Variants in CLRN1 observed in about 807,000 individuals in gnomAD.
CLRN1 encodes clarin-1.
CLRN1 carries 15 observed loss-of-function variants against 18.7 expected under a neutral mutation model. The ratio of observed to expected loss-of-function variants is 0.80; its 90% CI spans 0.54 to 1.23. The LOEUF (loss-of-function observed/expected upper bound fraction) is 1.23. CLRN1 is among the 50% of genes most tolerant of loss of function. CLRN1 has a pLI of 0.00. For missense variants in CLRN1, 311 were observed against 277.5 expected, an observed-to-expected ratio of 1.12 and a Z score of -0.86; for synonymous variants, 104 against 102.9, an observed-to-expected ratio of 1.01 and a Z score of -0.07.
intron 1 of CLRN1, among the ~76,000 whole-genome samples, chr3:150,960,080 G>A (rs1714952169): frequency 6.6e-6 from 1 of 152,134 alleles, no homozygotes; most frequent in Admixed American, 6.5e-5. Flanking sequence ...TTTGGAGTTA[G>A]GAAAGTTTAA....
chr3:150,932,206 T>A (rs1238536910), intron 2 of CLRN1, among the ~76,000 whole-genome samples: 2 of 152,324 alleles, frequency 1.3e-5, no homozygotes, highest in African/African-American at 4.8e-5. Flanking sequence ...CTCTGACAGC[T>A]GTCTGAGACT....
rs34027634 is a variant in CLRN1, at chr3:150,927,631, TACACACACACAC to T, written c.*293_*304del. 1.7e-5 allele frequency: 8 copies of T among 473,322 alleles called. No individual in the cohort carries two copies. The highest frequency in any genetic ancestry group is 1.0e-4 in the African/African-American group (5 of 50,032). 29.3% of individuals were successfully genotyped at this position (473,322 alleles called of 1,614,324 possible). A position where few individuals can be genotyped will look rare whatever the true frequency, so the allele number is the denominator to read the frequency against. On this transcript the variant is annotated 3_prime_UTR_variant, in exon 3 of 3. Coordinates refer to ENST00000327047, the MANE Select transcript of CLRN1 (RefSeq NM_174878.3). ...ATATCTTTTTGATAGGAAGACATCTTACACACACACACACACACACACACACACATATATATA... is the reference window on the plus strand; with the variant it reads ...ATATCTTTTTGATAGGAAGACATCTTACACACACACACACACATATATATA...
In CLRN1 at chr3:150,928,168, G is replaced by T. The variant is rs1159603542; in HGVS notation, c.467C>A (p.Ala156Asp). ...GAGGTGATGGATTTTCACTTCAGAGGCAAACAATATCATGACAAGACAGCC... is the reference window on the plus strand; with the variant it reads ...GAGGTGATGGATTTTCACTTCAGAGTCAAACAATATCATGACAAGACAGCC... ...SCGCLVMILF[A>D]SEVKIHHLSE... is the part of the protein sequence containing the mutation. Residue 156 changes from alanine to aspartate, a missense_variant, in exon 3 of 3, where the codon GCC becomes GAC. Coordinates refer to ENST00000327047, the MANE Select transcript of CLRN1 (RefSeq NM_174878.3). 1 of 1,614,016 alleles carries T rather than the reference G, an allele frequency of 6.2e-7. No individual in the cohort carries two copies. Among genetic ancestry groups the T allele is most frequent in the Non-Finnish European group, 8.5e-7 (1 of 1,179,996 alleles).
chr3:150,941,665 G>A lies in CLRN1; in HGVS notation c.350C>T (p.Ala117Val), dbSNP rs988324324. 1.2e-6 allele frequency: 2 copies of A among 1,613,946 alleles called. No homozygotes were observed. The highest frequency in any genetic ancestry group is 2.7e-5 in the African/African-American group (2 of 74,916). ...ILIVLTMVGT[A>V]FFMYNAFGKP... ...TCCAAAAGCATTGTACATGAAGAAG[G>A]CTGTCCCCACCATGGTTAACACAAT... Residue 117 changes from alanine (A) to valine (V), a missense_variant, in exon 2 of 3, where the codon GCC becomes GTC. Coordinates refer to ENST00000327047, the MANE Select transcript of CLRN1 (RefSeq NM_174878.3).
chr3:150,962,834 A>G (rs1715098520), intron 1 of CLRN1, among the ~76,000 whole-genome samples: 1 of 152,244 alleles, frequency 6.6e-6, no homozygotes, highest in Non-Finnish European at 1.5e-5. Context: ...CTCAACCAAT[A>G]TTATTAAACA....
intron 1 of CLRN1, among the ~76,000 whole-genome samples, chr3:150,957,221 A>C (rs1485394474): frequency 6.7e-6 from 1 of 148,786 alleles, no homozygotes; most frequent in East Asian, 2.0e-4. Context: ...AATTATACTC[A>C]AGGTCTTCCC....
At chr3:150,937,776 G>A (rs936133160) in intron 2 of CLRN1, among the ~76,000 whole-genome samples, 6 of 152,178 alleles carry the variant, frequency 3.9e-5, no homozygotes, top group African/African-American at 1.4e-4. Flanking sequence ...GGTTCAAGAG[G>A]CAACAGAATA....
chr3:150,937,910 T>G (rs1713588817), intron 2 of CLRN1, among the ~76,000 whole-genome samples: 1 of 152,160 alleles, frequency 6.6e-6, no homozygotes, highest in South Asian at 2.1e-4. Context: ...CATAAGGAGA[T>G]GCCCATAGCA....
Position 150,929,054 on chromosome 3 carries a change from C to A in CLRN1, c.434-853G>T, listed in dbSNP as rs145802685. On this transcript the variant is annotated intron_variant, in intron 2 of 2. Coordinates refer to ENST00000327047, the MANE Select transcript of CLRN1 (RefSeq NM_174878.3). ...AACAAGAAAGAGGGAGTCTAAATCC[C>A]AGATCCTTGGAGCCTCTGGACCAGC... Among the ~76,000 whole-genome samples the A allele has an allele frequency of 5.9e-3, 892 of 152,296 alleles. 9 individuals are homozygous for A. The highest frequency in any genetic ancestry group is 0.019 in the African/African-American group (778 of 41,570).
chr3:150,960,769 C>T (rs1212201709), intron 1 of CLRN1, among the ~76,000 whole-genome samples: 19 of 152,160 alleles, frequency 1.2e-4, no homozygotes, highest in Non-Finnish European at 2.2e-4. Context: ...AGATGGAGGT[C>T]AAAAGTTAAC....
chr3:150,928,377 A>G lies in CLRN1; in HGVS notation c.434-176T>C, dbSNP rs192393883. ...CCTGATTCTTCAGTCTCTAGGTGGT[A>G]GGGCTTGGGTTATGGTTCTGCTCTG... On this transcript the variant is annotated intron_variant, in intron 2 of 2. Coordinates refer to ENST00000327047, the MANE Select transcript of CLRN1 (RefSeq NM_174878.3). Among the ~76,000 whole-genome samples the G allele has an allele frequency of 2.7e-3, 404 of 152,306 alleles. 2 individuals carry two copies. Among genetic ancestry groups the G allele is most frequent in the African/African-American group, 9.4e-3 (389 of 41,568 alleles).
intron 1 of CLRN1, among the ~76,000 whole-genome samples, chr3:150,958,110 T>C (rs902160943): frequency 1.3e-5 from 2 of 152,182 alleles, no homozygotes; most frequent in Admixed American, 6.5e-5. Flanking sequence ...CTGATGGACA[T>C]CTCTGGTTGA....
chr3:150,940,613 T>C, intron 2 of CLRN1: 2 of 1,206,612 alleles, frequency 1.7e-6, no homozygotes, highest in Non-Finnish European at 2.3e-6. Context: ...CATGAAACCA[T>C]CAATAAAATT....
At chr3:150,929,449 G>T (rs1713015456) in intron 2 of CLRN1, among the ~76,000 whole-genome samples, 1 of 152,228 alleles carries the variant, frequency 6.6e-6, no homozygotes, top group African/African-American at 2.4e-5. Flanking sequence ...GTTAATAGGA[G>T]ACTTGCTGGG....
chr3:150,926,391 C>G (rs904488211), downstream of CLRN1: 4 of 283,224 alleles, frequency 1.4e-5, no homozygotes, highest in African/African-American at 2.2e-5. Context: ...GGAGACGGTC[C>G]TTGTCCTCCT....
At chr3:150,954,755 C>T (rs1714656255) in intron 1 of CLRN1, among the ~76,000 whole-genome samples, 2 of 152,190 alleles carry the variant, frequency 1.3e-5, no homozygotes, top group Non-Finnish European at 2.9e-5. Context: ...ACATTTACAC[C>T]TGTGATCTCT....
At chr3:150,965,299 T>G (rs774169506) in intron 1 of CLRN1, among the ~76,000 whole-genome samples, 18 of 152,144 alleles carry the variant, frequency 1.2e-4, no homozygotes, top group Non-Finnish European at 2.1e-4. Flanking sequence ...ATATGTCCCA[T>G]GTAAGGGTTG....
chr3:150,937,329 G>A (rs1713553502), intron 2 of CLRN1, among the ~76,000 whole-genome samples: 1 of 152,122 alleles, frequency 6.6e-6, no homozygotes, highest in Non-Finnish European at 1.5e-5. Flanking sequence ...TATAATGGCT[G>A]GCACATAATG....
At chr3:150,942,987 A>T (rs1039223296) in intron 1 of CLRN1, among the ~76,000 whole-genome samples, 1 of 152,192 alleles carries the variant, frequency 6.6e-6, no homozygotes, top group African/African-American at 2.4e-5. Flanking sequence ...CACCAGACAC[A>T]CAAGGGAAGA....
Sources: allele counts gnomAD v4.1 joint callset (sites outside exome capture counted in the v4.1 genomes callset), GRCh38; gene constraint gnomAD v4.1.1; transcripts MANE v1.5; gene names NCBI Gene and HGNC (gene_info 2026-07-23, HGNC 2026-07-21).